Variants in NAA11 observed in about 807,000 individuals in gnomAD.
NAA11 encodes the protein N-alpha-acetyltransferase 11, NatA catalytic subunit, also known as N-alpha-acetyltransferase 11.
A neutral mutation model predicts 16.1 loss-of-function variants in NAA11; 15 were observed. The observed-to-expected ratio is 0.93, with a 90% CI of 0.62 to 1.44. The LOEUF is 1.44. NAA11 is among the 40% of genes most tolerant of loss of function. The probability of loss-of-function intolerance (pLI) is 0.00; values close to 1 mark genes in which losing one functional copy is unlikely to be tolerated. For synonymous variants in NAA11, 122 were observed against 112.4 expected (o/e 1.09, Z -0.54); for missense variants, 298 against 291.3 (o/e 1.02, Z -0.17).
chr4:79,325,871 T>A lies in NAA11; in HGVS notation c.7A>T (p.Ile3Phe), dbSNP rs1189543666. 1 of 1,606,788 alleles carries A rather than the reference T, an allele frequency of 6.2e-7. No individual in the cohort carries two copies. The highest frequency in any genetic ancestry group is 1.7e-5 in the Admixed American group (1 of 59,698). The change falls in exon 1 of 2, where the codon ATC (isoleucine) becomes TTC (phenylalanine). Residue 3 changes from isoleucine (I) to phenylalanine (F), a missense_variant. Transcript: ENST00000286794. ...AGGTCGTCTGGCTGAGCGTTGCGGATGTTCATAATGGCAGAGGGTAGGGAA... is the reference window on the plus strand; with the variant it reads ...AGGTCGTCTGGCTGAGCGTTGCGGAAGTTCATAATGGCAGAGGGTAGGGAA... MN[I>F]RNAQPDDLMN...
At chr4:79,266,326 A>G (rs1326954955) in intron 2 of NAA11, among the ~76,000 whole-genome samples, 1 of 152,156 alleles carries the variant, frequency 6.6e-6, no homozygotes, top group Non-Finnish European at 1.5e-5. Flanking sequence ...TTGGCAGGCA[A>G]CCTGATGTGC....
chr4:79,182,914 T>C, the NAA11 span, among the ~76,000 whole-genome samples: 2 of 152,184 alleles, frequency 1.3e-5, no homozygotes, highest in African/African-American at 4.8e-5. Context: ...GCTTCTACTA[T>C]GTCAAGACCT....
chr4:79,309,114 C>T (rs1056546164), intron 1 of NAA11, among the ~76,000 whole-genome samples: 6 of 152,230 alleles, frequency 3.9e-5, no homozygotes, highest in Admixed American at 2.6e-4. Flanking sequence ...TAGTTAATTA[C>T]TGGTAAACCA....
At chr4:79,182,309 C>T in the NAA11 span, among the ~76,000 whole-genome samples, 1 of 152,180 alleles carries the variant, frequency 6.6e-6, no homozygotes. Context: ...AGCTCCTGGT[C>T]AGGCCAAAGG....
At chr4:79,220,437 CTGTGTGTG>C in the NAA11 span, among the ~76,000 whole-genome samples, 1,283 of 143,036 alleles carry the variant, frequency 9.0e-3, 19 homozygotes, top group African/African-American at 0.03. Context: ...GTGTGTGTGT[CTGTGTGTG>C]TGTGTGTGTG....
At chr4:79,266,571 C>T (rs145788652) in intron 2 of NAA11, among the ~76,000 whole-genome samples, 44 of 152,296 alleles carry the variant, frequency 2.9e-4, no homozygotes, top group Non-Finnish European at 5.3e-4. Flanking sequence ...AACTGGCTAA[C>T]AGAGGCAGGC....
chr4:79,205,476 G>A, the NAA11 span, among the ~76,000 whole-genome samples: 1 of 151,632 alleles, frequency 6.6e-6, no homozygotes, highest in Admixed American at 6.6e-5. Flanking sequence ...TTAAATTTCT[G>A]ATTTGTTTCA....
rs550253691 is a variant in NAA11, at chr4:79,276,945, T to G, written c.*122+17060A>C. ...TCTATTACAACCAACAGCGATTTAT[T>G]AACTACACTAGAGATGCCGTTAAAG... is the stretch of plus-strand genomic sequence containing the variant. On this transcript the variant is annotated intron_variant and NMD_transcript_variant, in intron 2 of 2. Coordinates refer to the NAA11 transcript ENST00000511542. 2.7e-3 allele frequency among the ~76,000 whole-genome samples: 417 copies of G among 152,298 alleles called. 3 individuals carry two copies. The highest frequency in any genetic ancestry group is 4.6e-3 in the Non-Finnish European group (315 of 67,998).
intron 2 of NAA11, among the ~76,000 whole-genome samples, chr4:79,247,997 T>C (rs923594701): frequency 1.3e-4 from 20 of 152,138 alleles, no homozygotes; most frequent in African/African-American, 4.1e-4. Flanking sequence ...CTTGCCTTGC[T>C]CCCCTAGGAG....
At chr4:79,257,856 T>C (rs768707312) in intron 2 of NAA11, among the ~76,000 whole-genome samples, 1 of 152,272 alleles carries the variant, frequency 6.6e-6, no homozygotes, top group Non-Finnish European at 1.5e-5. Flanking sequence ...TTCTGCTTCA[T>C]ATTCTGTTAA....
the NAA11 span, among the ~76,000 whole-genome samples, chr4:79,198,761 A>G: frequency 9.2e-5 from 14 of 152,060 alleles, no homozygotes; most frequent in Non-Finnish European, 1.6e-4. Context: ...CGGTCTTGGG[A>G]ATACTTAAGA....
At chr4:79,183,674 C>G in the NAA11 span, among the ~76,000 whole-genome samples, 1 of 151,426 alleles carries the variant, frequency 6.6e-6, no homozygotes, top group East Asian at 1.9e-4. Flanking sequence ...TTATCATTGG[C>G]TTTTATTCTG....
intron 2 of NAA11, chr4:79,245,548 G>C (rs1168411720): frequency 6.6e-6 from 1 of 151,908 alleles, no homozygotes; most frequent in East Asian, 2.0e-4. Context: ...GTCTCTACCC[G>C]GCCGCCACCC....
downstream of NAA11, among the ~76,000 whole-genome samples, chr4:79,313,617 G>C (rs762761189): frequency 2.7e-4 from 41 of 152,132 alleles, no homozygotes; most frequent in Non-Finnish European, 4.9e-4. Flanking sequence ...TTCACAAAAC[G>C]TAATTCCCAC....
intron 2 of NAA11, among the ~76,000 whole-genome samples, chr4:79,234,588 A>C (rs1721531649): frequency 6.6e-6 from 1 of 152,132 alleles, no homozygotes; most frequent in East Asian, 1.9e-4. Flanking sequence ...TTGTTCAGCT[A>C]TATTCCAAAG....
At chr4:79,322,486 G>GGT (rs757206111) in intron 1 of NAA11, among the ~76,000 whole-genome samples, 956 of 87,766 alleles carry the variant, frequency 0.011, 4 homozygotes, top group East Asian at 0.07. Flanking sequence ...CAGTTTTATA[G>GGT]GTGTGTGTGT....
chr4:79,167,679 G>T, the NAA11 span, among the ~76,000 whole-genome samples: 1,051 of 152,036 alleles, frequency 6.9e-3, 9 homozygotes, highest in African/African-American at 0.024. Context: ...AAGAAAAGAG[G>T]TTTAATTGGC....
chr4:79,317,519 A>C lies in NAA11; in HGVS notation c.*285T>G, dbSNP rs1284040735. On this transcript the variant is annotated 3_prime_UTR_variant, in exon 2 of 2. Coordinates refer to ENST00000286794, the MANE Select transcript of NAA11 (RefSeq NM_032693.3). ...ACCACACCCAACAGAGGACTACTAC[A>C]AACAGAATAAAATGGCAGCGTAGTG... 6.6e-6 allele frequency: 1 copy of C among 152,258 alleles called. No individual in the cohort carries two copies. The highest frequency in any genetic ancestry group is 1.5e-5 in the Non-Finnish European group (1 of 68,052). The allele number at this position is 152,258 out of a possible 1,614,324, so 9.4% of individuals were successfully genotyped here.
chr4:79,234,098 T>C (rs1169157773), intron 2 of NAA11, among the ~76,000 whole-genome samples: 1 of 152,096 alleles, frequency 6.6e-6, no homozygotes. Flanking sequence ...CAAGAACACT[T>C]TGCCAGAAAA....
Sources: allele counts gnomAD v4.1 joint callset (sites outside exome capture counted in the v4.1 genomes callset), GRCh38; gene constraint gnomAD v4.1.1; transcripts MANE v1.5; gene names NCBI Gene and HGNC (gene_info 2026-07-23, HGNC 2026-07-21).